The following PDZD2 variants were observed in gnomAD, a reference collection of about 807,000 sequenced individuals.
PDZD2 encodes PDZ domain containing 2, also known as PDZ domain-containing protein 2.
Under a neutral mutation model 220.7 loss-of-function variants are expected in PDZD2, and 90 were observed. The observed-to-expected ratio is 0.41, with a 90% CI of 0.34 to 0.49. PDZD2 has a LOEUF of 0.49. Ranked by LOEUF, PDZD2 falls within the 20% of genes least tolerant of loss-of-function variation. The probability of loss-of-function intolerance (pLI) is 0.28; values close to 1 mark genes in which losing one functional copy is unlikely to be tolerated. For synonymous variants in PDZD2, 1,375 were observed against 1,450.5 expected (o/e 0.95, Z 1.18); for missense variants, 3,174 against 3,608.5 (o/e 0.88, Z 3.08).
At chr5:31,939,409 C>T (rs550040091) in intron 2 of PDZD2, among the ~76,000 whole-genome samples, 5 of 152,240 alleles carry the variant, frequency 3.3e-5, no homozygotes, top group East Asian at 3.9e-4. Context: ...GGAATCAGCA[C>T]GTGAGAAAAT....
rs746867278 is a variant in PDZD2 at position 32,087,323 on chromosome 5, C to CGG, written c.3879_3880dup (p.Glu1294GlyfsTer41). 1.2e-6 allele frequency: 2 copies of CGG among 1,613,964 alleles called. No individual in the cohort carries two copies. The highest frequency in any genetic ancestry group is 1.7e-6 in the Non-Finnish European group (2 of 1,179,958). ...CTCCCCCATGAGGGCAGCCCCTCCCCGGGGGAGAAAGCAGCGGCTCCCCCT... is the reference window on the plus strand; with the variant it reads ...CTCCCCCATGAGGGCAGCCCCTCCCCGGGGGGGAGAAAGCAGCGGCTCCCCCT... On this transcript the variant is annotated frameshift_variant, in exon 20 of 25. Transcript: ENST00000438447. LOFTEE classifies it high-confidence loss of function. The surrounding 1 kb of genome is among the most constrained non-coding windows in gnomAD (Gnocchi z 4.0).
intron 2 of PDZD2, among the ~76,000 whole-genome samples, chr5:31,822,053 C>T (rs927595597): frequency 1.3e-5 from 2 of 152,238 alleles, no homozygotes; most frequent in East Asian, 1.9e-4. Context: ...CATAGTATTC[C>T]GTGGTGTATA....
rs1742719195 is a variant in PDZD2 at position 32,088,256 on chromosome 5, C to CA, written c.4808_4809insA (p.Thr1604HisfsTer44). 6.2e-7 allele frequency: 1 copy of CA among 1,614,016 alleles called. No homozygotes were observed. Among genetic ancestry groups the CA allele is most frequent in the South Asian group, 1.1e-5 (1 of 91,084 alleles). On this transcript the variant is annotated frameshift_variant, in exon 20 of 25. Transcript: ENST00000438447. LOFTEE classifies it high-confidence loss of function. The surrounding 1 kb of genome is among the most constrained non-coding windows in gnomAD (Gnocchi z 4.6). ...GAAGAGGAACAGATTGAGATTTGTT[C>CA]CACACGTGGCTGCCCCAATCCACCC...
In PDZD2 at chr5:32,083,480, G is replaced by C. The variant is rs561000623; in HGVS notation, c.3683-3651G>C. 1.3e-5 allele frequency: 2 copies of C among 152,264 alleles called. No individual in the cohort carries two copies. Among genetic ancestry groups the C allele is most frequent in the Admixed American group, 1.3e-4 (2 of 15,296 alleles). 9.4% of individuals were successfully genotyped at this position (152,264 alleles called of 1,614,324 possible). ...TTCCACCCCACGGATGTGCTGTAAC[G>C]AGTCAACCTTCCTCCCATGATTGGG... On this transcript the variant is annotated intron_variant, in intron 19 of 24. Coordinates refer to ENST00000438447, the MANE Select transcript of PDZD2 (RefSeq NM_178140.4). This position sits in a 1 kb window ranked among gnomAD's most constrained non-coding sequence, Gnocchi z 4.1.
chr5:31,809,641 A>G (rs1207239372), intron 2 of PDZD2, among the ~76,000 whole-genome samples: 3 of 152,162 alleles, frequency 2.0e-5, no homozygotes, highest in Non-Finnish European at 4.4e-5. Flanking sequence ...CAGCAAGACA[A>G]TTTCCAACAC....
At chr5:32,015,947 C>T (rs910701489) in intron 6 of PDZD2, among the ~76,000 whole-genome samples, 2 of 152,174 alleles carry the variant, frequency 1.3e-5, no homozygotes, top group African/African-American at 2.4e-5. Context: ...TCAGGAGACC[C>T]GTATCCGGCT....
At chr5:31,968,416 G>A (rs1748959587) in intron 2 of PDZD2, among the ~76,000 whole-genome samples, 1 of 152,104 alleles carries the variant, frequency 6.6e-6, no homozygotes, top group South Asian at 2.1e-4. Flanking sequence ...CACTTTGGGA[G>A]GCTGAGGTGG....
chr5:31,862,314 G>C (rs1225717765), intron 2 of PDZD2, among the ~76,000 whole-genome samples: 4 of 151,724 alleles, frequency 2.6e-5, no homozygotes, highest in Non-Finnish European at 5.9e-5. Flanking sequence ...ATGTTGGCCA[G>C]GCTGGTCTCA....
intron 1 of PDZD2, among the ~76,000 whole-genome samples, chr5:31,731,496 C>A (rs1033458430): frequency 1.3e-5 from 2 of 152,268 alleles, no homozygotes; most frequent in Non-Finnish European, 1.5e-5. Context: ...CTCTGCAGCT[C>A]TTGGCAACCA....
At chr5:32,091,279 CTTTT>C (rs57254389) in intron 20 of PDZD2, 104 bp downstream of exon 20, 1,930 of 260,828 alleles carry the variant, frequency 7.4e-3, no homozygotes, top group East Asian at 0.011. Context: ...TTCCCACTTA[CTTTT>C]TTTTTTTTTT....
intron 2 of PDZD2, among the ~76,000 whole-genome samples, chr5:31,971,497 A>G (rs912613238): frequency 2.1e-4 from 32 of 152,238 alleles, no homozygotes; most frequent in Admixed American, 1.9e-3. Flanking sequence ...GGAGGGACAC[A>G]TACACTAAAA....
intron 1 of PDZD2, among the ~76,000 whole-genome samples, chr5:31,728,570 G>A (rs1335025823): frequency 6.6e-6 from 1 of 152,124 alleles, no homozygotes; most frequent in Non-Finnish European, 1.5e-5. Flanking sequence ...GACCACATTC[G>A]ATCTGATGCT....
chr5:32,072,459 G>A (rs32794), intron 17 of PDZD2, 142 bp downstream of exon 17: 75,593 of 671,560 alleles, frequency 0.11, 5,885 homozygotes, highest in South Asian at 0.3. Context: ...GGCCGGGCGC[G>A]GTGGCTCACG....
intron 19 of PDZD2, 115 bp downstream of exon 19, chr5:32,077,721 C>G: frequency 9.4e-7 from 1 of 1,066,588 alleles, no homozygotes; most frequent in Non-Finnish European, 1.4e-6. Context: ...CTCTGGGAGG[C>G]CGAGGTGGGC....
intron 19 of PDZD2, among the ~76,000 whole-genome samples, chr5:32,081,970 G>A (rs529098821): frequency 1.1e-4 from 16 of 150,970 alleles, no homozygotes; most frequent in South Asian, 8.4e-4. Flanking sequence ...TGCCCACCTC[G>A]GCCTCCCGAA....
intron 2 of PDZD2, chr5:31,840,396 TTATATATATATATATA>T (rs748170414): frequency 3.4e-3 from 65 of 19,338 alleles, no homozygotes; most frequent in Non-Finnish European, 3.9e-3. Context: ...GTCATTTTCA[TTATATATATATATATA>T]TATATATATA....
intron 2 of PDZD2, among the ~76,000 whole-genome samples, chr5:31,806,897 G>A (rs11743256): frequency 0.11 from 16,254 of 149,930 alleles, 983 homozygotes; most frequent in South Asian, 0.24. Flanking sequence ...CGCTTAAAAC[G>A]CATTTTTGCA....
At chr5:31,745,757 C>G (rs1750565503) in intron 1 of PDZD2, among the ~76,000 whole-genome samples, 1 of 150,920 alleles carries the variant, frequency 6.6e-6, no homozygotes, top group Non-Finnish European at 1.5e-5. Flanking sequence ...AGTGAATGTT[C>G]AGTGATCATC....
chr5:31,656,084 G>C (rs1745537918), intron 1 of PDZD2, among the ~76,000 whole-genome samples: 1 of 152,194 alleles, frequency 6.6e-6, no homozygotes, highest in African/African-American at 2.4e-5. Context: ...TGTGTTCTTT[G>C]TTAATTTCCC....
Sources: gnomAD v4.1 joint callset for allele counts (sites outside exome capture counted in the v4.1 genomes callset) on GRCh38, gnomAD v4.1.1 for gene constraint, Gnocchi (gnomAD v3.1) non-coding constraint, MANE v1.5 for transcripts, NCBI Gene and HGNC (gene_info 2026-07-23, HGNC 2026-07-21) for gene names.